DNAJC15: variants seen among roughly 807,000 people sequenced by gnomAD.
DNAJC15 encodes dnaJ homolog subfamily C member 15.
Under a neutral mutation model 22.4 loss-of-function variants are expected in DNAJC15, and 27 were observed. That is an observed-to-expected ratio of 1.20 (90% confidence interval 0.89 to 1.66). The LOEUF (loss-of-function observed/expected upper bound fraction) is 1.66. DNAJC15 is among the 40% of genes most tolerant of loss of function. The probability of loss-of-function intolerance (pLI) is 0.00; values close to 1 mark genes in which losing one functional copy is unlikely to be tolerated. For missense variants in DNAJC15, 208 were observed against 187.1 expected (o/e 1.11, Z -0.65); for synonymous variants, 79 against 63.2 (o/e 1.25, Z -1.19).
intron 1 of DNAJC15, among the ~76,000 whole-genome samples, chr13:43,042,519 G>A (rs2040458845): frequency 6.6e-6 from 1 of 152,168 alleles, no homozygotes; most frequent in Non-Finnish European, 1.5e-5. Flanking sequence ...AGTCAACTAG[G>A]ATGGGGGGAT....
intron 1 of DNAJC15, among the ~76,000 whole-genome samples, chr13:43,055,735 C>T (rs1325018876): frequency 6.6e-6 from 1 of 151,960 alleles, no homozygotes; most frequent in Non-Finnish European, 1.5e-5. Context: ...TCCTTTAGTT[C>T]TTCTCTGATC....
chr13:43,109,719 GGA>G lies in DNAJC15; in HGVS notation c.*2475_*2476del, dbSNP rs892487000. Reference sequence around the variant, plus strand: ...CACACCGGGGCCTGTTGTGGGGCGGGGAGAGGGGGGAGGGATCGCATTTGGAG... The same window carrying G: ...CACACCGGGGCCTGTTGTGGGGCGGGGAGGGGGGAGGGATCGCATTTGGAG... On this transcript the variant is annotated 3_prime_UTR_variant, in exon 6 of 6. Transcript: ENST00000379221. The G allele has an allele frequency of 6.6e-6, 1 of 152,112 alleles. No homozygotes were observed. Among genetic ancestry groups the G allele is most frequent in the Non-Finnish European group, 1.5e-5 (1 of 68,032 alleles). 9.4% of individuals were successfully genotyped at this position (152,112 alleles called of 1,614,324 possible). A position where few individuals can be genotyped will look rare whatever the true frequency, so the allele number is the denominator to read the frequency against.
intron 4 of DNAJC15, among the ~76,000 whole-genome samples, chr13:43,084,858 CAT>C (rs1347740185): frequency 1.3e-5 from 2 of 152,076 alleles, no homozygotes; most frequent in Non-Finnish European, 2.9e-5. Flanking sequence ...AACTATGAGA[CAT>C]AAAGAGTTTT....
In DNAJC15 at chr13:43,046,785, C is replaced by G. The variant is rs141448335; in HGVS notation, c.109-18901C>G. ...AGCTGAGCTTTTGCTCGCTGTCCAC[C>G]GCTGCTGTTTGCTGCCGTCGCAGAC... On this transcript the variant is annotated intron_variant, in intron 1 of 5. Transcript: ENST00000379221. Among the ~76,000 whole-genome samples, 17 of 152,278 alleles carry G rather than the reference C, an allele frequency of 1.1e-4. No homozygotes were observed. The East Asian group carries it at 3.3e-3, about 29-fold the overall frequency.
chr13:43,037,030 C>G (rs1000578168), intron 1 of DNAJC15, among the ~76,000 whole-genome samples: 3 of 152,128 alleles, frequency 2.0e-5, no homozygotes, highest in African/African-American at 7.2e-5. Flanking sequence ...TGGCTCCTAC[C>G]CTGCCAAGCT....
chr13:43,065,796 C>A, intron 2 of DNAJC15, 59 bp downstream of exon 2: 1 of 1,498,270 alleles, frequency 6.7e-7, no homozygotes, highest in East Asian at 2.3e-5. Flanking sequence ...ATAGCATCTA[C>A]AGTGATTCAT....
At chr13:43,050,510 T>TC (rs2040497959) in intron 1 of DNAJC15, among the ~76,000 whole-genome samples, 1 of 151,982 alleles carries the variant, frequency 6.6e-6, no homozygotes, top group Admixed American at 6.6e-5. Flanking sequence ...GAGGCTGGTC[T>TC]CACTCCTGGG....
chr13:43,067,145 A>G (rs1395316159), intron 2 of DNAJC15, among the ~76,000 whole-genome samples: 2 of 152,216 alleles, frequency 1.3e-5, no homozygotes, highest in South Asian at 2.1e-4. Flanking sequence ...TTTTGGCTAT[A>G]TAGAGTTTAG....
At chr13:43,048,590 C>A (rs1310240623) in intron 1 of DNAJC15, among the ~76,000 whole-genome samples, 1 of 152,158 alleles carries the variant, frequency 6.6e-6, no homozygotes, top group Non-Finnish European at 1.5e-5. Flanking sequence ...CCATGGTGAC[C>A]ATGACAGATT....
At chr13:43,068,381 C>G (rs2040593010) in intron 2 of DNAJC15, among the ~76,000 whole-genome samples, 1 of 152,012 alleles carries the variant, frequency 6.6e-6, no homozygotes, top group South Asian at 2.1e-4. Flanking sequence ...TAGCCATCCT[C>G]AGTGAGAAAA....
intron 5 of DNAJC15, among the ~76,000 whole-genome samples, chr13:43,091,082 A>T (rs1593328901): frequency 6.6e-6 from 1 of 150,422 alleles, no homozygotes; most frequent in Non-Finnish European, 1.5e-5. Context: ...TATTTTTTTT[A>T]TTTCTTTATT....
At position 43,108,272 on chromosome 13, in the gene DNAJC15, ATAGATATATCAATCGGAGTGAT is replaced by A. The variant is rs1490694476; in HGVS notation, c.*1029_*1050del. On this transcript the variant is annotated 3_prime_UTR_variant, in exon 6 of 6. Coordinates refer to ENST00000379221, the MANE Select transcript of DNAJC15 (RefSeq NM_013238.3). The stretch of plus-strand genomic sequence containing the variant: ...TATTCTGAGATGAGAATTAGCAGAA[ATAGATATATCAATCGGAGTGAT>A]TAGAGTGCAGGGTTTCTGGAAAGCA... The A allele has an allele frequency of 1.3e-5, 2 of 152,212 alleles. No individual in the cohort carries two copies. The highest frequency in any genetic ancestry group is 2.9e-5 in the Non-Finnish European group (2 of 68,024). The allele number at this position is 152,212 out of a possible 1,614,324, so 9.4% of individuals were successfully genotyped here.
chr13:43,030,026 CTT>C (rs1477732407), intron 1 of DNAJC15, among the ~76,000 whole-genome samples: 2 of 152,086 alleles, frequency 1.3e-5, no homozygotes, highest in Admixed American at 1.3e-4. Flanking sequence ...GACTATGCCT[CTT>C]TGACTTTTGT....
intron 1 of DNAJC15, among the ~76,000 whole-genome samples, chr13:43,047,860 A>C (rs2040485082): frequency 6.6e-6 from 1 of 152,204 alleles, no homozygotes. Context: ...AATGATGAGG[A>C]AGATGATGGT....
At chr13:43,078,556 G>T in intron 3 of DNAJC15, 56 bp from the exon 4 acceptor site, 1 of 1,472,444 alleles carries the variant, frequency 6.8e-7, no homozygotes, top group Admixed American at 1.7e-5. Context: ...TGAGATTGAG[G>T]TCATGCCACC....
intron 5 of DNAJC15, among the ~76,000 whole-genome samples, chr13:43,093,413 T>A (rs908933318): frequency 2.6e-5 from 4 of 152,184 alleles, no homozygotes; most frequent in African/African-American, 9.7e-5. Context: ...TATTTTTCTT[T>A]TTCTTTGTTT....
chr13:43,079,938 A>T (rs2040653947), intron 4 of DNAJC15, among the ~76,000 whole-genome samples: 1 of 152,232 alleles, frequency 6.6e-6, no homozygotes, highest in Non-Finnish European at 1.5e-5. Context: ...TACAAATACC[A>T]GTTTAACACC....
chr13:43,050,310 T>C (rs867932917), intron 1 of DNAJC15, among the ~76,000 whole-genome samples: 4 of 152,126 alleles, frequency 2.6e-5, no homozygotes, highest in Non-Finnish European at 5.9e-5. Flanking sequence ...TTTTAAAAAA[T>C]TTTTTAGTTT....
intron 1 of DNAJC15, among the ~76,000 whole-genome samples, chr13:43,046,474 A>G (rs2040477677): frequency 6.6e-6 from 1 of 152,140 alleles, no homozygotes; most frequent in Admixed American, 6.5e-5. Context: ...GACCGCACCT[A>G]CCTTTAAACA....
Sources: gnomAD v4.1 joint callset for allele counts (sites outside exome capture counted in the v4.1 genomes callset) on GRCh38, gnomAD v4.1.1 for gene constraint, MANE v1.5 for transcripts, NCBI Gene and HGNC (gene_info 2026-07-23, HGNC 2026-07-21) for gene names.